NOTCH1: variants seen among roughly 807,000 people sequenced by gnomAD.
NOTCH1 encodes the protein notch receptor 1.
Under a neutral mutation model 254.8 loss-of-function variants are expected in NOTCH1, and 37 were observed. The observed-to-expected ratio is 0.15, with a 90% confidence interval of 0.11 to 0.19. NOTCH1 has a LOEUF of 0.19. Ranked by LOEUF, NOTCH1 falls within the 10% of genes least tolerant of loss-of-function variation. The pLI is 1.00. For synonymous variants in NOTCH1, 1,731 were observed against 1,618.1 expected, an observed-to-expected ratio of 1.07 and a Z score of -1.68; for missense variants, 2,972 against 3,708.6, an observed-to-expected ratio of 0.80 and a Z score of 5.16.
Position 136,508,382 on chromosome 9 carries a change from G to C in NOTCH1, c.3175C>G (p.Leu1059Val), listed in dbSNP as rs759406527. 6.2e-7 allele frequency: 1 copy of C among 1,613,234 alleles called. No homozygotes were observed. Among genetic ancestry groups the C allele is most frequent in the Admixed American group, 1.7e-5 (1 of 60,030 alleles). Residue 1059 changes from leucine (L) to valine (V), a missense_variant, in exon 20 of 34, where the codon CTT (leucine) becomes GTT (valine). By Grantham distance (32) the Leu-to-Val change is conservative (BLOSUM62 1). This residue lies in a region of NOTCH1 where 1,343 missense variants were observed against 1,557.0 expected (regional missense o/e 0.86). Transcript: ENST00000651671. ...QGYTGPNCQNLVHWCDSSPCK... is the reference protein window; with the variant it reads ...QGYTGPNCQNVVHWCDSSPCK... ...GGCGAGGAGTCACACCAGTGCACAA[G>C]GTTCTGGGGACAGATTGGGGTCAGC... is the stretch of plus-strand genomic sequence containing the variant.
At position 136,502,498 on chromosome 9, in the gene NOTCH1, CG is replaced by C; in HGVS notation, c.5168-11del. On this transcript the variant is annotated splice_polypyrimidine_tract_variant and intron_variant, in intron 27 of 33. Coordinates refer to ENST00000651671, the MANE Select transcript of NOTCH1 (RefSeq NM_017617.5). ...GGCTCCACGGTCTCACCTGCGGGCA[CG>C]GGGGCCAGGGGCAGGTGCCCGGACA... 2 of 1,509,506 alleles carry C rather than the reference CG, an allele frequency of 1.3e-6. No individual in the cohort carries two copies. The allele number at this position is 1,509,506 out of a possible 1,614,324, so 93.5% of individuals were successfully genotyped here.
intron 4 of NOTCH1, among the ~76,000 whole-genome samples, chr9:136,520,322 G>C (rs1589070054): frequency 6.6e-6 from 1 of 151,996 alleles, no homozygotes; most frequent in South Asian, 2.1e-4. Flanking sequence ...CCCTCCCTCT[G>C]AGACATTGCC....
At chr9:136,526,454 CCT>C (rs1043820690) in intron 2 of NOTCH1, among the ~76,000 whole-genome samples, 1 of 152,236 alleles carries the variant, frequency 6.6e-6, no homozygotes, top group African/African-American at 2.4e-5. Context: ...AAGCTGGTCC[CCT>C]GCCTCCCGGC....
chr9:136,512,526 T>A (rs1589063914), intron 15 of NOTCH1, among the ~76,000 whole-genome samples: 2 of 152,138 alleles, frequency 1.3e-5, no homozygotes. Context: ...AACAGAGGGC[T>A]CCTTGTTCCG....
Position 136,497,510 on chromosome 9 carries a change from C to T in NOTCH1, c.6229G>A (p.Ala2077Thr), listed in dbSNP as rs759749364. 52 of 1,610,812 alleles carry T rather than the reference C, an allele frequency of 3.2e-5. No individual in the cohort carries two copies. The highest frequency in any genetic ancestry group is 4.0e-5 in the Non-Finnish European group (47 of 1,179,278). The part of the protein sequence containing the change: ...LAAREGSYET[A>T]KVLLDHFANR... ...GCAAAGTGGTCCAGCAGCACCTTGG[C>T]GGTCTCGTAGCTGCCCTCCCGGGCG... The change falls in exon 34 of 34, where the codon GCC (alanine) becomes ACC (threonine). Residue 2077 changes from alanine to threonine, a missense_variant. Around this residue, in one of 8 missense-constraint regions of NOTCH1, gnomAD observed 421 missense variants for 604.4 expected, o/e 0.70. Transcript: ENST00000651671.
chr9:136,536,865 T>C (rs566187565), intron 2 of NOTCH1, among the ~76,000 whole-genome samples: 4 of 152,384 alleles, frequency 2.6e-5, no homozygotes, highest in East Asian at 1.9e-4. Flanking sequence ...CAGCATGTAG[T>C]AGATGCTCAA....
chr9:136,534,323 C>A (rs1459541509), intron 2 of NOTCH1, among the ~76,000 whole-genome samples: 1 of 152,190 alleles, frequency 6.6e-6, no homozygotes, highest in African/African-American at 2.4e-5. Context: ...TTTAAACAAC[C>A]AATTCAAGCC....
rs781156651 is a variant in NOTCH1, at chr9:136,518,782, G to A, written c.908C>T (p.Pro303Leu). The A allele has an allele frequency of 1.9e-6, 3 of 1,612,724 alleles. No individual in the cohort carries two copies. Among genetic ancestry groups the A allele is most frequent in the Non-Finnish European group, 2.5e-6 (3 of 1,179,980 alleles). Residue 303 changes from proline to leucine, a missense_variant, in exon 6 of 34, where the codon CCA (proline) becomes CTA (leucine). This residue lies in a region of NOTCH1 where 374 missense variants were observed against 496.3 expected (regional missense o/e 0.75). Transcript: ENST00000651671. Reference protein sequence around the residue: ...TEDVDECQLMPNACQNGGTCH... With the variant: ...TEDVDECQLMLNACQNGGTCH... ...GGTCCCGCCGTTCTGGCAGGCATTT[G>A]GCATCAGCTGGCACTCGTCCACATC...
intron 17 of NOTCH1, among the ~76,000 whole-genome samples, 179 bp from the exon 18 acceptor site, chr9:136,510,140 C>G (rs1843155464): frequency 6.6e-6 from 1 of 152,210 alleles, no homozygotes; most frequent in Non-Finnish European, 1.5e-5. Context: ...TGCGTCACAC[C>G]CGTCTCCTGT....
chr9:136,541,362 T>C (rs1843729812), intron 2 of NOTCH1, among the ~76,000 whole-genome samples: 1 of 152,198 alleles, frequency 6.6e-6, no homozygotes, highest in South Asian at 2.1e-4. Flanking sequence ...CACCCAGTAC[T>C]AGTGAGCCAG....
Position 136,518,811 on chromosome 9 carries a change from G to A in NOTCH1, c.879C>T (p.Thr293=), listed in dbSNP as rs370170212. The change falls in exon 6 of 34, where the codon ACC becomes ACT. Residue 293 remains threonine, a synonymous_variant. Transcript: ENST00000651671. ...TCAGCTGGCACTCGTCCACATCCTC[G>A]GTACAGTACTGACCTGCAGGGAACA... ...CPPEWTGQYC[T]EDVDECQLMP... is the part of the protein sequence containing the mutation. 125 of 1,612,768 alleles carry A rather than the reference G, an allele frequency of 7.8e-5. No individual in the cohort carries two copies. Among genetic ancestry groups the A allele is most frequent in the African/African-American group, 5.3e-4 (40 of 75,024 alleles).
intron 17 of NOTCH1, 196 bp downstream of exon 17, chr9:136,510,457 G>C: frequency 1.5e-6 from 1 of 677,598 alleles, no homozygotes; most frequent in Non-Finnish European, 2.6e-6. Flanking sequence ...GTGCAGGGAG[G>C]AGCAAGCCGG....
Position 136,495,761 on chromosome 9 carries a change from A to C in NOTCH1, c.*310T>G, listed in dbSNP as rs1842904946. 1 of 415,474 alleles carries C rather than the reference A, an allele frequency of 2.4e-6. No individual in the cohort carries two copies. The highest frequency in any genetic ancestry group is 3.9e-5 in the Admixed American group (1 of 25,348). The allele number at this position is 415,474 out of a possible 1,614,324, so 25.7% of individuals were successfully genotyped here. ...AATCATGAATCTTTGTTTATATTTTATAAACACAGAAGAATCTTTTCATCC... is the reference window on the plus strand; with the variant it reads ...AATCATGAATCTTTGTTTATATTTTCTAAACACAGAAGAATCTTTTCATCC... On this transcript the variant is annotated 3_prime_UTR_variant, in exon 34 of 34. Transcript: ENST00000651671.
rs1259279311 is a variant in NOTCH1 at position 136,501,884 on chromosome 9, C to G, written c.5502G>C (p.Leu1834=). 4 of 1,612,182 alleles carry G rather than the reference C, an allele frequency of 2.5e-6. No individual in the cohort carries two copies. The highest frequency in any genetic ancestry group is 3.4e-6 in the Non-Finnish European group (4 of 1,179,958). Residue 1834 remains leucine, a synonymous_variant, in exon 30 of 34, where the codon CTG becomes CTC. Transcript: ENST00000651671. ...ACTGCCGGTGGTCTGTCTGGTCGTC[C>G]AGGTCAGGCAGAACCACGGGCTCCT... is the stretch of plus-strand genomic sequence containing the variant. The part of the protein sequence containing the change: ...RFEEPVVLPD[L]DDQTDHRQWT...
At position 136,506,427 on chromosome 9, in the gene NOTCH1, C is replaced by T. The variant is rs556933248; in HGVS notation, c.4014+100G>A. 3.5e-4 allele frequency: 341 copies of T among 970,134 alleles called. No individual in the cohort carries two copies. The highest frequency in any genetic ancestry group is 4.7e-4 in the Non-Finnish European group (298 of 637,380). The allele number at this position is 970,134 out of a possible 1,614,324, so 60.1% of individuals were successfully genotyped here. A position where few individuals can be genotyped will look rare whatever the true frequency, so the allele number is the denominator to read the frequency against. ...TCAGGGTGAGGAGGAGGATGAAGGCCGGGAGGATCACTGCCCGGTCTGCGC... is the reference window on the plus strand; with the variant it reads ...TCAGGGTGAGGAGGAGGATGAAGGCTGGGAGGATCACTGCCCGGTCTGCGC... On this transcript the variant is annotated intron_variant, in intron 24 of 33. Transcript: ENST00000651671. The surrounding 1 kb of genome is among the most constrained non-coding windows in gnomAD (Gnocchi z 4.5).
At position 136,518,364 on chromosome 9, in the gene NOTCH1, C is replaced by T. The variant is rs1273617003; in HGVS notation, c.1100-72G>A. The T allele has an allele frequency of 3.9e-6, 6 of 1,536,894 alleles. No individual in the cohort carries two copies. In the African/African-American group the frequency reaches 5.4e-5, roughly 14 times the overall value. On this transcript the variant is annotated intron_variant, in intron 6 of 33. Transcript: ENST00000651671. ...TGGCACACCACCCACGGCTGGGGTC[C>T]AACCCCACTGACACCCCAGGAGGAG... is the stretch of plus-strand genomic sequence containing the variant.
rs776496915 is a variant in NOTCH1 at position 136,497,362 on chromosome 9, C to G, written c.6377G>C (p.Gly2126Ala). The G allele has an allele frequency of 5.6e-6, 9 of 1,607,316 alleles. No homozygotes were observed. The African/African-American group carries it at 6.7e-5, about 12-fold the overall frequency. Reference sequence around the variant, plus strand: ...GGTGGGCGTGCCCCCCAGCGGGGCTCCGTGCAGCTGCGGGCTGCGCACCAG... The same window carrying G: ...GGTGGGCGTGCCCCCCAGCGGGGCTGCGTGCAGCTGCGGGCTGCGCACCAG... ...YNLVRSPQLHGAPLGGTPTLS... is the reference protein window; with the variant it reads ...YNLVRSPQLHAAPLGGTPTLS... The change falls in exon 34 of 34, where the codon GGA becomes GCA. Residue 2126 changes from glycine (G) to alanine (A), a missense_variant. Gly to Ala is a moderately conservative substitution (Grantham distance 60, BLOSUM62 0). Transcript: ENST00000651671.
chr9:136,495,861 TA>T lies in NOTCH1; in HGVS notation c.*209del, dbSNP rs1157428207. ...ATAAAAGTTTCTACCTGGGGCCAGA[TA>T]AAACAGTACATATAAATAAAAAGGC... On this transcript the variant is annotated 3_prime_UTR_variant, in exon 34 of 34. Coordinates refer to ENST00000651671, the MANE Select transcript of NOTCH1 (RefSeq NM_017617.5). 3.6e-6 allele frequency: 2 copies of T among 559,476 alleles called. No homozygotes were observed. Among genetic ancestry groups the T allele is most frequent in the Non-Finnish European group, 6.0e-6 (2 of 332,998 alleles). The allele number at this position is 559,476 out of a possible 1,614,324, so 34.7% of individuals were successfully genotyped here.
At chr9:136,522,500 C>T (rs1294558801) in intron 4 of NOTCH1, 3 of 309,846 alleles carry the variant, frequency 9.7e-6, no homozygotes, top group African/African-American at 4.4e-5. Flanking sequence ...GCAGCTCCCA[C>T]GCCCTCTCCG....
Sources: gnomAD v4.1 joint callset for allele counts (sites outside exome capture counted in the v4.1 genomes callset) on GRCh38, gnomAD v4.1.1 for gene constraint, gnomAD v4.1.1 regional missense constraint, Gnocchi (gnomAD v3.1) non-coding constraint, MANE v1.5 for transcripts, NCBI Gene and HGNC (gene_info 2026-07-23, HGNC 2026-07-21) for gene names.